SNPH: variants seen among roughly 807,000 people sequenced by gnomAD.
The protein encoded by SNPH is syntaphilin.
Under a neutral mutation model 36.8 loss-of-function variants are expected in SNPH, and 10 were observed. The ratio of observed to expected loss-of-function variants is 0.27; its 90% CI spans 0.17 to 0.46. SNPH has a LOEUF of 0.46. SNPH is among the 20% of genes least tolerant of loss of function. The pLI, the probability that SNPH is intolerant of heterozygous loss-of-function variation, is 1.00. For synonymous variants in SNPH, 281 were observed against 312.2 expected (o/e 0.90, Z 1.05); for missense variants, 622 against 744.0 (o/e 0.84, Z 1.91).
chr20:1,303,173 C>T (rs2088524551), intron 6 of SNPH, among the ~76,000 whole-genome samples: 1 of 152,250 alleles, frequency 6.6e-6, no homozygotes, highest in Non-Finnish European at 1.5e-5. Context: ...TGCAGTGGCC[C>T]ACCTTCTGTT....
chr20:1,278,064 G>T lies in SNPH; in HGVS notation c.-493+11304G>T, dbSNP rs28584233. The stretch of plus-strand genomic sequence containing the variant: ...TGTGTGCCTGTGTGTGTGTGTCTGT[G>T]TGTGTATCTGTGTGTGTCTCTGTGT... On this transcript the variant is annotated intron_variant, in intron 2 of 6. Coordinates refer to ENST00000381867, the MANE Select transcript of SNPH (RefSeq NM_001318234.2). Among the ~76,000 whole-genome samples, 213 of 77,026 alleles carry T rather than the reference G, an allele frequency of 2.8e-3. 3 individuals are homozygous for T. The highest frequency in any genetic ancestry group is 0.019 in the East Asian group (57 of 3,078). The allele number at this position is 77,026 out of a possible 152,430, so 50.5% of individuals were successfully genotyped here. A position where few individuals can be genotyped will look rare whatever the true frequency, so the allele number is the denominator to read the frequency against.
Position 1,294,843 on chromosome 20 carries a change from A to C in SNPH, c.-492-108A>C, listed in dbSNP as rs2088409214. 6.6e-6 allele frequency: 1 copy of C among 151,332 alleles called. No homozygotes were observed. The highest frequency in any genetic ancestry group is 1.5e-5 in the Non-Finnish European group (1 of 67,950). 9.4% of individuals were successfully genotyped at this position (151,332 alleles called of 1,614,324 possible). A position where few individuals can be genotyped will look rare whatever the true frequency, so the allele number is the denominator to read the frequency against. ...AGCATCTGATGTTGACCTGGTTTCG[A>C]TATTGGCTCTGCCACACACCTGGGA... is the stretch of plus-strand genomic sequence containing the variant. On this transcript the variant is annotated intron_variant, in intron 2 of 6. Coordinates refer to ENST00000381867, the MANE Select transcript of SNPH (RefSeq NM_001318234.2). This position sits in a 1 kb window ranked among gnomAD's most constrained non-coding sequence, Gnocchi z 4.4.
intron 2 of SNPH, among the ~76,000 whole-genome samples, chr20:1,283,743 T>C (rs2088252632): frequency 6.6e-6 from 1 of 152,204 alleles, no homozygotes; most frequent in Non-Finnish European, 1.5e-5. Flanking sequence ...CACCTTCTGA[T>C]ACCTGGACTC....
At chr20:1,291,267 GAGA>G (rs1327128816) in intron 2 of SNPH, among the ~76,000 whole-genome samples, 4 of 152,248 alleles carry the variant, frequency 2.6e-5, no homozygotes, top group African/African-American at 9.6e-5. Flanking sequence ...CCACAACAGT[GAGA>G]AGAAGTCGGA....
intron 2 of SNPH, among the ~76,000 whole-genome samples, chr20:1,268,573 G>T (rs549713092): frequency 3.3e-4 from 51 of 152,256 alleles, no homozygotes; most frequent in Middle Eastern, 6.8e-3. Context: ...GGGGAATTTT[G>T]CTGCTGCACC....
intron 6 of SNPH, among the ~76,000 whole-genome samples, chr20:1,301,267 G>A (rs532071866): frequency 6.6e-6 from 1 of 152,152 alleles, no homozygotes; most frequent in African/African-American, 2.4e-5. Context: ...AGGAGCCCCC[G>A]CAGGCCGTCT....
At chr20:1,299,860 G>A (rs545670286) in intron 5 of SNPH, among the ~76,000 whole-genome samples, 1 of 152,360 alleles carries the variant, frequency 6.6e-6, no homozygotes, top group South Asian at 2.1e-4. Context: ...GTGCGTGCAT[G>A]TAGTGCTCAC....
At chr20:1,290,790 C>T (rs2088351967) in intron 2 of SNPH, among the ~76,000 whole-genome samples, 1 of 152,192 alleles carries the variant, frequency 6.6e-6, no homozygotes, top group African/African-American at 2.4e-5. Context: ...ATAGCAGCAG[C>T]GTCATTTTAC....
At chr20:1,277,830 T>A (rs544891336) in intron 2 of SNPH, among the ~76,000 whole-genome samples, 1 of 149,590 alleles carries the variant, frequency 6.7e-6, no homozygotes, top group African/African-American at 2.5e-5. Flanking sequence ...TGTCTGTGTA[T>A]CTGTGTGTGT....
chr20:1,306,245 T>C lies in SNPH; in HGVS notation c.*191T>C, dbSNP rs2088578129. 6.0e-6 allele frequency: 3 copies of C among 499,858 alleles called. No homozygotes were observed. Among genetic ancestry groups the C allele is most frequent in the African/African-American group, 4.0e-5 (2 of 49,934 alleles). The allele number at this position is 499,858 out of a possible 1,614,324, so 31.0% of individuals were successfully genotyped here. A position where few individuals can be genotyped will look rare whatever the true frequency, so the allele number is the denominator to read the frequency against. On this transcript the variant is annotated 3_prime_UTR_variant, in exon 7 of 7. Coordinates refer to ENST00000381867, the MANE Select transcript of SNPH (RefSeq NM_001318234.2). ...GGAGAAAGGCATCCCAAAGCTTCGA[T>C]GGAGAGCAGGGAAGGGGGACCCAAG...
intron 2 of SNPH, among the ~76,000 whole-genome samples, chr20:1,284,648 G>A (rs1009172907): frequency 6.6e-6 from 1 of 152,096 alleles, no homozygotes; most frequent in Non-Finnish European, 1.5e-5. Flanking sequence ...GAGAATACAC[G>A]GGGCAGAGAT....
chr20:1,267,458 G>A lies in SNPH; in HGVS notation c.-493+698G>A, dbSNP rs550662619. On this transcript the variant is annotated intron_variant, in intron 2 of 6. Coordinates refer to ENST00000381867, the MANE Select transcript of SNPH (RefSeq NM_001318234.2). ...CTGCCCATCTGGTGGTGTCGGGATG[G>A]GCTGGAGGAGCTTCTTAGAAAAAGG... Among the ~76,000 whole-genome samples the A allele has an allele frequency of 1.1e-3, 165 of 152,288 alleles. 1 individual carries two copies. The highest frequency in any genetic ancestry group is 3.9e-3 in the African/African-American group (160 of 41,548).
At chr20:1,272,305 A>G (rs957481928) in intron 2 of SNPH, among the ~76,000 whole-genome samples, 1 of 152,200 alleles carries the variant, frequency 6.6e-6, no homozygotes, top group Admixed American at 6.5e-5. Context: ...TCCTAAGGTC[A>G]TTAGGAAGAC....
rs565268123 is a variant in SNPH at position 1,303,496 on chromosome 20, GC to G, written c.441-1376del. On this transcript the variant is annotated intron_variant, in intron 6 of 6. Transcript: ENST00000381867. ...AGGCCAAAAGGGTTACCTAGAGTGGGCCCCCCACCTGGAGGCAGGAAGGGTG... is the reference window on the plus strand; with the variant it reads ...AGGCCAAAAGGGTTACCTAGAGTGGGCCCCCACCTGGAGGCAGGAAGGGTG... Among the ~76,000 whole-genome samples the G allele has an allele frequency of 2.3e-3, 353 of 152,268 alleles. 2 individuals carry two copies. Among genetic ancestry groups the G allele is most frequent in the African/African-American group, 7.8e-3 (324 of 41,536 alleles).
chr20:1,279,416 T>C (rs1321543004), intron 2 of SNPH, among the ~76,000 whole-genome samples: 1 of 152,244 alleles, frequency 6.6e-6, no homozygotes, highest in Non-Finnish European at 1.5e-5. Flanking sequence ...AAAACTGGGC[T>C]GTTGGCCTTC....
rs1279064369 is a variant in SNPH at position 1,266,713 on chromosome 20, G to C, written c.-540G>C. On this transcript the variant is annotated 5_prime_UTR_variant, in exon 2 of 7. Coordinates refer to ENST00000381867, the MANE Select transcript of SNPH (RefSeq NM_001318234.2). This position sits in a 1 kb window ranked among gnomAD's most constrained non-coding sequence, Gnocchi z 6.0. ...CTGCAGAGGCGCTGCGCCAAGCCGG[G>C]CCGGAGTGGTGCGAGCCGGCGGGGC... The C allele has an allele frequency of 2.8e-6, 4 of 1,427,398 alleles. No homozygotes were observed. The highest frequency in any genetic ancestry group is 3.7e-6 in the Non-Finnish European group (4 of 1,095,618). 88.4% of individuals were successfully genotyped at this position (1,427,398 alleles called of 1,614,324 possible).
rs905678203 is a variant in SNPH, at chr20:1,295,917, G to A, written c.-323G>A. ...GAGAGGGAGGACTGAACAGCAAGGG[G>A]GTGTGTGGGTCTGAGTATCAGGGTC... On this transcript the variant is annotated 5_prime_UTR_variant, in exon 4 of 7. Coordinates refer to ENST00000381867, the MANE Select transcript of SNPH (RefSeq NM_001318234.2). The A allele has an allele frequency of 1.0e-5, 3 of 296,532 alleles. No homozygotes were observed. In the South Asian group the frequency reaches 3.2e-4, roughly 32 times the overall value. 18.4% of individuals were successfully genotyped at this position (296,532 alleles called of 1,614,324 possible). A position where few individuals can be genotyped will look rare whatever the true frequency, so the allele number is the denominator to read the frequency against.
intron 6 of SNPH, among the ~76,000 whole-genome samples, chr20:1,301,509 T>C (rs58540247): frequency 0.036 from 5,483 of 151,968 alleles, 305 homozygotes; most frequent in African/African-American, 0.12. Flanking sequence ...TTCTTTCTTT[T>C]TTTTTTTTAA....
intron 2 of SNPH, among the ~76,000 whole-genome samples, chr20:1,277,909 G>A (rs1210974708): frequency 6.7e-6 from 1 of 148,472 alleles, no homozygotes; most frequent in Non-Finnish European, 1.5e-5. Flanking sequence ...GTATCTGTGT[G>A]TGTGTGTGCC....
Sources: allele counts gnomAD v4.1 joint callset (sites outside exome capture counted in the v4.1 genomes callset), GRCh38; gene constraint gnomAD v4.1.1; non-coding constraint Gnocchi (gnomAD v3.1); transcripts MANE v1.5; gene names NCBI Gene and HGNC (gene_info 2026-07-23, HGNC 2026-07-21).